The following DPYSL3 variants were observed in gnomAD, a reference collection of about 807,000 sequenced individuals.
DPYSL3 encodes the protein dihydropyrimidinase like 3, also known as dihydropyrimidinase-related protein 3.
In DPYSL3, 16 loss-of-function variants were observed where a neutral mutation model predicts 66.1. That is an observed-to-expected ratio of 0.24 (90% CI 0.16 to 0.37). DPYSL3 has a LOEUF of 0.37. Ranked by LOEUF, DPYSL3 falls within the 10% of genes least tolerant of loss-of-function variation. DPYSL3 has a pLI of 1.00. For synonymous variants in DPYSL3, 338 were observed against 345.1 expected (o/e 0.98, Z 0.23); for missense variants, 738 against 916.2 (o/e 0.81, Z 2.51).
At chr5:147,478,601 G>A (rs776696479) in intron 1 of DPYSL3, among the ~76,000 whole-genome samples, 113 of 152,120 alleles carry the variant, frequency 7.4e-4, no homozygotes, top group Non-Finnish European at 1.1e-3. Flanking sequence ...AGTGTTTCAG[G>A]TTCCTGAGCA....
At chr5:147,428,407 A>C (rs1209186139) in intron 1 of DPYSL3, among the ~76,000 whole-genome samples, 1 of 152,100 alleles carries the variant, frequency 6.6e-6, no homozygotes, top group Non-Finnish European at 1.5e-5. Flanking sequence ...GGGATCCACT[A>C]TAAATGGCGG....
At chr5:147,423,509 G>A (rs1253513703) in intron 2 of DPYSL3, among the ~76,000 whole-genome samples, 1 of 152,172 alleles carries the variant, frequency 6.6e-6, no homozygotes, top group Non-Finnish European at 1.5e-5. Flanking sequence ...ATTTAACATT[G>A]TGCCTGGCAC....
intron 1 of DPYSL3, among the ~76,000 whole-genome samples, chr5:147,452,584 C>T (rs1752752622): frequency 6.6e-6 from 1 of 152,078 alleles, no homozygotes; most frequent in Non-Finnish European, 1.5e-5. Flanking sequence ...CCATATGTGC[C>T]TACTATTTGG....
intron 1 of DPYSL3, among the ~76,000 whole-genome samples, chr5:147,479,666 T>C (rs980291572): frequency 2.0e-5 from 3 of 152,110 alleles, no homozygotes; most frequent in Non-Finnish European, 4.4e-5. Flanking sequence ...AAAGTTCCCA[T>C]CTTGACTCAC....
intron 1 of DPYSL3, among the ~76,000 whole-genome samples, chr5:147,429,695 A>G (rs967183058): frequency 7.2e-5 from 11 of 152,108 alleles, no homozygotes; most frequent in South Asian, 4.1e-4. Context: ...AAGTAAACCC[A>G]TGTCTCCCAT....
At chr5:147,478,847 TGTAA>T (rs1468415025) in intron 1 of DPYSL3, among the ~76,000 whole-genome samples, 1 of 152,180 alleles carries the variant, frequency 6.6e-6, no homozygotes, top group Non-Finnish European at 1.5e-5. Context: ...CATACTGTAC[TGTAA>T]GTGTGTCAGG....
chr5:147,450,394 G>A (rs7730192), intron 1 of DPYSL3, among the ~76,000 whole-genome samples: 3,756 of 152,178 alleles, frequency 0.025, 146 homozygotes, highest in African/African-American at 0.081. Context: ...CTGTAAACCA[G>A]GCCCATCGCG....
intron 10 of DPYSL3, 144 bp from the exon 11 acceptor site, chr5:147,399,396 A>C: frequency 1.1e-6 from 1 of 919,402 alleles, no homozygotes; most frequent in Non-Finnish European, 1.6e-6. Flanking sequence ...ACAGAACCTC[A>C]CTCAGCAAGC....
intron 1 of DPYSL3, among the ~76,000 whole-genome samples, chr5:147,507,934 C>A (rs1446445233): frequency 6.6e-6 from 1 of 152,100 alleles, no homozygotes; most frequent in South Asian, 2.1e-4. Flanking sequence ...CAATTGTTAC[C>A]GACCTTTTCC....
chr5:147,399,836 G>A (rs909694135), intron 10 of DPYSL3, among the ~76,000 whole-genome samples: 14 of 152,116 alleles, frequency 9.2e-5, no homozygotes, highest in Non-Finnish European at 1.3e-4. Flanking sequence ...AAATACATAC[G>A]TACTGCTCTG....
chr5:147,429,289 G>A (rs1752263031), intron 1 of DPYSL3, among the ~76,000 whole-genome samples: 1 of 152,154 alleles, frequency 6.6e-6, no homozygotes, highest in Non-Finnish European at 1.5e-5. Flanking sequence ...CAGCCCAGCA[G>A]GGTTCTAGGC....
chr5:147,422,815 G>T (rs1213056933), intron 2 of DPYSL3, among the ~76,000 whole-genome samples: 2 of 151,982 alleles, frequency 1.3e-5, no homozygotes, highest in Non-Finnish European at 2.9e-5. Flanking sequence ...GAGAACATAT[G>T]GGCACGGGGA....
chr5:147,460,556 C>A (rs142225935), intron 1 of DPYSL3, among the ~76,000 whole-genome samples: 102 of 152,250 alleles, frequency 6.7e-4, no homozygotes, highest in African/African-American at 2.2e-3. Context: ...CCAGTGTAAT[C>A]ACTAGGGTCC....
chr5:147,426,729 A>G (rs1752205642), intron 1 of DPYSL3, among the ~76,000 whole-genome samples: 1 of 152,350 alleles, frequency 6.6e-6, no homozygotes, highest in African/African-American at 2.4e-5. Context: ...CTGGCTTCAG[A>G]AATGAAAGGG....
At chr5:147,414,839 C>T (rs1298788350) in intron 4 of DPYSL3, among the ~76,000 whole-genome samples, 3 of 152,108 alleles carry the variant, frequency 2.0e-5, no homozygotes, top group Admixed American at 6.6e-5. Flanking sequence ...CAGTGGACTC[C>T]TAGCATTTGT....
chr5:147,487,509 G>A (rs1240390125), intron 1 of DPYSL3, among the ~76,000 whole-genome samples: 2 of 152,072 alleles, frequency 1.3e-5, no homozygotes, highest in African/African-American at 2.4e-5. Context: ...ATACACCTGT[G>A]CCACTTTTCT....
intron 1 of DPYSL3, among the ~76,000 whole-genome samples, chr5:147,434,205 A>G (rs1752372536): frequency 6.6e-6 from 1 of 152,216 alleles, no homozygotes; most frequent in Non-Finnish European, 1.5e-5. Flanking sequence ...CTGCTTGAGA[A>G]ATCTGTAGCT....
chr5:147,505,709 T>TGAAA (rs1233450559), intron 1 of DPYSL3, among the ~76,000 whole-genome samples: 2 of 152,126 alleles, frequency 1.3e-5, no homozygotes, highest in Non-Finnish European at 2.9e-5. Flanking sequence ...GCAATCAACT[T>TGAAA]GAAAGAATAA....
chr5:147,449,382 G>T lies in DPYSL3; in HGVS notation c.382-24419C>A, dbSNP rs1054890259. Among the ~76,000 whole-genome samples the T allele has an allele frequency of 2.6e-5, 4 of 152,316 alleles. No homozygotes were observed. The East Asian group carries it at 7.7e-4, about 29-fold the overall frequency. ...TTCCTAACTGGGGATACGTCTTCCAGCAATTCCCAAATACCACACACACAA... is the reference window on the plus strand; with the variant it reads ...TTCCTAACTGGGGATACGTCTTCCATCAATTCCCAAATACCACACACACAA... On this transcript the variant is annotated intron_variant, in intron 1 of 13. Coordinates refer to ENST00000343218, the MANE Select transcript of DPYSL3 (RefSeq NM_001197294.2).
Sources: gnomAD v4.1 joint callset for allele counts (sites outside exome capture counted in the v4.1 genomes callset) on GRCh38, gnomAD v4.1.1 for gene constraint, MANE v1.5 for transcripts, NCBI Gene and HGNC (gene_info 2026-07-23, HGNC 2026-07-21) for gene names.